SLC71A1: variants seen among roughly 807,000 people sequenced by gnomAD.
SLC71A1 encodes solute carrier family 71 member 1.
chr1:100,073,768 T>G, the SLC71A1 span, among the ~76,000 whole-genome samples: 1 of 152,232 alleles, frequency 6.6e-6, no homozygotes, highest in East Asian at 1.9e-4. Context: ...GTTGACAGAC[T>G]AACCAAAGCT....
At chr1:100,056,810 A>G in the SLC71A1 span, among the ~76,000 whole-genome samples, 1 of 152,116 alleles carries the variant, frequency 6.6e-6, no homozygotes, top group Non-Finnish European at 1.5e-5. Context: ...TCCCACCAAC[A>G]GTGTATGAGT....
chr1:100,068,665 T>G, the SLC71A1 span: 4 of 876,554 alleles, frequency 4.6e-6, no homozygotes, highest in Admixed American at 8.4e-5. Flanking sequence ...TTGAGAGAAC[T>G]GTAATAGAAG....
chr1:100,064,320 C>T, the SLC71A1 span, among the ~76,000 whole-genome samples: 7 of 152,122 alleles, frequency 4.6e-5, no homozygotes, highest in Admixed American at 2.0e-4. Context: ...TTAGTAGAGA[C>T]GGGGTTTCAC....
chr1:100,049,871 AC>A, the SLC71A1 span: 1 of 1,063,946 alleles, frequency 9.4e-7, no homozygotes, highest in Non-Finnish European at 1.4e-6. Flanking sequence ...TGTACTGTTA[AC>A]TTTTTTTAAC....
chr1:100,043,137 C>A, the SLC71A1 span: 2 of 982,914 alleles, frequency 2.0e-6, no homozygotes, highest in South Asian at 4.7e-5. Context: ...ATAATCAGAC[C>A]GTCTGCAGAA....
chr1:100,069,933 GT>G, the SLC71A1 span, among the ~76,000 whole-genome samples: 1 of 152,156 alleles, frequency 6.6e-6, no homozygotes, highest in South Asian at 2.1e-4. Context: ...TCTGGATGAA[GT>G]TAGAAGTTTC....
the SLC71A1 span, among the ~76,000 whole-genome samples, chr1:100,070,445 C>G: frequency 3.3e-5 from 5 of 152,082 alleles, no homozygotes; most frequent in African/African-American, 1.2e-4. Flanking sequence ...TCGTGCGGGG[C>G]TTACAGGTCC....
chr1:100,056,232 AT>A, the SLC71A1 span, among the ~76,000 whole-genome samples: 1 of 151,986 alleles, frequency 6.6e-6, no homozygotes, highest in Non-Finnish European at 1.5e-5. Context: ...AGTTGTTGTA[AT>A]TTTTAGCTCT....
chr1:100,072,679 GA>G, the SLC71A1 span, among the ~76,000 whole-genome samples: 4 of 152,054 alleles, frequency 2.6e-5, no homozygotes, highest in African/African-American at 9.6e-5. Context: ...AAAATGATTA[GA>G]TCTGGTAACC....
the SLC71A1 span, chr1:100,083,287 GAACA>G: frequency 6.6e-6 from 1 of 152,220 alleles, no homozygotes; most frequent in African/African-American, 2.4e-5. Context: ...TTTAAACTTG[GAACA>G]CTCACTATGG....
the SLC71A1 span, chr1:100,038,363 G>T: frequency 1.4e-6 from 2 of 1,478,638 alleles, no homozygotes; most frequent in Non-Finnish European, 1.9e-6. Flanking sequence ...GCCCCCATCC[G>T]GTCTCTCCTT....
the SLC71A1 span, among the ~76,000 whole-genome samples, chr1:100,043,576 A>T: frequency 6.6e-6 from 1 of 152,206 alleles, no homozygotes. Flanking sequence ...ATTATTTTTT[A>T]AAATATTTCA....
chr1:100,055,135 C>T, the SLC71A1 span, among the ~76,000 whole-genome samples: 1 of 152,264 alleles, frequency 6.6e-6, no homozygotes, highest in South Asian at 2.1e-4. Flanking sequence ...TATAGACATT[C>T]ATAATGTTTT....
chr1:100,078,409 G>A, the SLC71A1 span: 7 of 1,280,600 alleles, frequency 5.5e-6, no homozygotes, highest in East Asian at 1.2e-4. Context: ...CAGGTACAGT[G>A]GAGAAGAATT....
the SLC71A1 span, chr1:100,077,146 CTTTT>C: frequency 6.6e-5 from 58 of 883,880 alleles, no homozygotes; most frequent in South Asian, 1.5e-4. Flanking sequence ...TCTGATAAAT[CTTTT>C]TTTTTTTTTT....
chr1:100,078,543 A>C, the SLC71A1 span: 1 of 1,608,704 alleles, frequency 6.2e-7, no homozygotes, highest in Non-Finnish European at 8.5e-7. Context: ...GATGCTGATC[A>C]ACAGGGTGAG....
chr1:100,038,194 G>C, the SLC71A1 span: 3 of 1,522,738 alleles, frequency 2.0e-6, no homozygotes, highest in East Asian at 7.4e-5. Context: ...TGCCGCCCCG[G>C]GAGTGGCTGC....
At chr1:100,065,747 T>G in the SLC71A1 span, among the ~76,000 whole-genome samples, 1 of 151,064 alleles carries the variant, frequency 6.6e-6, no homozygotes, top group Non-Finnish European at 1.5e-5. Context: ...CCCTTTTCTC[T>G]TCCCCTTTCC....
At chr1:100,038,804 G>C in the SLC71A1 span, among the ~76,000 whole-genome samples, 1 of 152,360 alleles carries the variant, frequency 6.6e-6, no homozygotes, top group Middle Eastern at 3.4e-3. Context: ...CGGCCCCGTA[G>C]TACGTTCGCT....
Sources: allele counts gnomAD v4.1 joint callset (sites outside exome capture counted in the v4.1 genomes callset), GRCh38; gene constraint gnomAD v4.1.1; transcripts MANE v1.5; gene names NCBI Gene and HGNC (gene_info 2026-07-23, HGNC 2026-07-21).